GALNTL6: variants seen among roughly 807,000 people sequenced by gnomAD.
GALNTL6 encodes the protein polypeptide N-acetylgalactosaminyltransferase-like 6.
Under a neutral mutation model 73.7 loss-of-function variants are expected in GALNTL6, and 46 were observed. The ratio of observed to expected loss-of-function variants is 0.62; its 90% CI spans 0.49 to 0.80. The LOEUF (loss-of-function observed/expected upper bound fraction) is 0.80. Ranked by LOEUF, GALNTL6 falls within the 30% of genes least tolerant of loss-of-function variation. The pLI is 0.00. For missense variants in GALNTL6, 604 were observed against 755.0 expected, an observed-to-expected ratio of 0.80 and a Z score of 2.34; for synonymous variants, 259 against 263.7, an observed-to-expected ratio of 0.98 and a Z score of 0.17.
intron 10 of GALNTL6, among the ~76,000 whole-genome samples, chr4:172,996,983 C>G (rs1028610972): frequency 6.6e-6 from 1 of 152,256 alleles, no homozygotes; most frequent in East Asian, 1.9e-4. Context: ...CATGGGTAAC[C>G]AGGTCTTCTT....
intron 3 of GALNTL6, among the ~76,000 whole-genome samples, chr4:172,277,699 A>G (rs1039682743): frequency 3.3e-5 from 5 of 152,188 alleles, no homozygotes; most frequent in African/African-American, 1.2e-4. Context: ...GCCTAGAGCA[A>G]AGTCAGTGTG....
intron 5 of GALNTL6, among the ~76,000 whole-genome samples, chr4:172,603,863 G>A (rs558638710): frequency 6.6e-6 from 1 of 152,248 alleles, no homozygotes; most frequent in Non-Finnish European, 1.5e-5. Context: ...GAACAAACCA[G>A]GAACATGAAT....
chr4:172,308,890 C>T (rs2661806), intron 3 of GALNTL6, among the ~76,000 whole-genome samples: 122,232 of 151,722 alleles, frequency 0.81, 49,807 homozygotes, highest in Non-Finnish European at 0.87. Flanking sequence ...TATTTCAAGG[C>T]GTAACTGTGT....
At chr4:172,096,669 T>C (rs748644395) in intron 2 of GALNTL6, among the ~76,000 whole-genome samples, 20 of 152,212 alleles carry the variant, frequency 1.3e-4, no homozygotes, top group Non-Finnish European at 2.2e-4. Context: ...ATTTTTCTGT[T>C]TATTCATGTT....
intron 2 of GALNTL6, among the ~76,000 whole-genome samples, chr4:171,857,741 C>G (rs1203410741): frequency 6.6e-6 from 1 of 152,164 alleles, no homozygotes; most frequent in Non-Finnish European, 1.5e-5. Context: ...CAATATTACT[C>G]TGTTGGTAAT....
chr4:172,455,341 G>A (rs1732356018), intron 5 of GALNTL6, among the ~76,000 whole-genome samples: 1 of 152,118 alleles, frequency 6.6e-6, no homozygotes, highest in South Asian at 2.1e-4. Context: ...GTGGCGCCTG[G>A]AACACCAGCG....
At chr4:172,445,139 A>T (rs770615862) in intron 5 of GALNTL6, among the ~76,000 whole-genome samples, 9 of 152,184 alleles carry the variant, frequency 5.9e-5, no homozygotes, top group Non-Finnish European at 7.3e-5. Context: ...TAGAGACATG[A>T]GAAGTTAGGA....
chr4:172,820,246 G>T (rs1433174652), intron 7 of GALNTL6, among the ~76,000 whole-genome samples: 1 of 152,132 alleles, frequency 6.6e-6, no homozygotes, highest in Non-Finnish European at 1.5e-5. Flanking sequence ...GATAACAACA[G>T]ATTGAGGATC....
chr4:172,219,098 G>A (rs1399542856), intron 2 of GALNTL6, among the ~76,000 whole-genome samples: 2 of 142,692 alleles, frequency 1.4e-5, no homozygotes, highest in Non-Finnish European at 1.5e-5. Context: ...CAGACATTTG[G>A]GAAGGCAGAT....
chr4:172,330,386 C>T (rs1455874171), intron 4 of GALNTL6, among the ~76,000 whole-genome samples: 1 of 152,200 alleles, frequency 6.6e-6, no homozygotes, highest in Non-Finnish European at 1.5e-5. Flanking sequence ...CTTATCACTT[C>T]CCTGAGCTAG....
chr4:172,060,852 G>A (rs1404967470), intron 2 of GALNTL6, among the ~76,000 whole-genome samples: 1 of 152,160 alleles, frequency 6.6e-6, no homozygotes, highest in Non-Finnish European at 1.5e-5. Context: ...ATTTTGCAAA[G>A]CATTTCAAGG....
At chr4:172,585,045 T>C (rs1490039489) in intron 5 of GALNTL6, among the ~76,000 whole-genome samples, 3 of 151,906 alleles carry the variant, frequency 2.0e-5, no homozygotes, top group African/African-American at 7.3e-5. Flanking sequence ...TGCCAAGAAG[T>C]CAGCAAGATA....
At chr4:172,641,029 C>T (rs970121131) in intron 5 of GALNTL6, among the ~76,000 whole-genome samples, 2 of 152,040 alleles carry the variant, frequency 1.3e-5, no homozygotes, top group African/African-American at 4.8e-5. Context: ...ACCTTAGAAT[C>T]CTCCTTGACC....
At chr4:172,624,778 T>G (rs1739099046) in intron 5 of GALNTL6, among the ~76,000 whole-genome samples, 1 of 147,754 alleles carries the variant, frequency 6.8e-6, no homozygotes, top group Non-Finnish European at 1.5e-5. Flanking sequence ...TTTTTATTTT[T>G]TTGTTTTTTC....
At chr4:172,492,676 A>C (rs1733938524) in intron 5 of GALNTL6, among the ~76,000 whole-genome samples, 1 of 152,166 alleles carries the variant, frequency 6.6e-6, no homozygotes, top group Non-Finnish European at 1.5e-5. Context: ...AGTCATGGGA[A>C]AACTACTTAA....
chr4:172,897,136 G>A (rs1029844595), intron 8 of GALNTL6, among the ~76,000 whole-genome samples: 22 of 152,226 alleles, frequency 1.4e-4, no homozygotes, highest in African/African-American at 2.2e-4. Flanking sequence ...AGGGGTGAAA[G>A]CTGAGACTGA....
chr4:172,532,299 T>C (rs1048261397), intron 5 of GALNTL6, among the ~76,000 whole-genome samples: 1 of 152,136 alleles, frequency 6.6e-6, no homozygotes, highest in Non-Finnish European at 1.5e-5. Context: ...ACAAATTCCA[T>C]GTGATGATAG....
chr4:172,766,813 G>T (rs557585761), intron 5 of GALNTL6, among the ~76,000 whole-genome samples: 1 of 152,162 alleles, frequency 6.6e-6, no homozygotes, highest in African/African-American at 2.4e-5. Flanking sequence ...AGAGAATAGT[G>T]CCAACGAATT....
chr4:172,571,196 A>C (rs749835348), intron 5 of GALNTL6, among the ~76,000 whole-genome samples: 1 of 152,248 alleles, frequency 6.6e-6, no homozygotes, highest in African/African-American at 2.4e-5. Context: ...CAGATCAATA[A>C]TAGAACAAGA....
Sources: gnomAD v4.1 joint callset for allele counts (sites outside exome capture counted in the v4.1 genomes callset) on GRCh38, gnomAD v4.1.1 for gene constraint, MANE v1.5 for transcripts, NCBI Gene and HGNC (gene_info 2026-07-23, HGNC 2026-07-21) for gene names.